The following AKAIN1 variants were observed in gnomAD, a reference collection of about 807,000 sequenced individuals.
AKAIN1 encodes the protein A-kinase anchor protein inhibitor 1.
In AKAIN1, 3 loss-of-function variants were observed where a neutral mutation model predicts 3.7. That is an observed-to-expected ratio of 0.82 (90% CI 0.37 to 2.12). AKAIN1 has a LOEUF of 2.12. Ranked by LOEUF, AKAIN1 falls within the 30% of genes most tolerant of loss-of-function variation. AKAIN1 has a pLI of 0.06. For missense variants in AKAIN1, 82 were observed against 82.7 expected (o/e 0.99, Z 0.03); for synonymous variants, 31 against 30.8 (o/e 1.01, Z -0.02).
At chr18:5,190,117 T>A (rs538493319) in intron 1 of AKAIN1, among the ~76,000 whole-genome samples, 7 of 152,168 alleles carry the variant, frequency 4.6e-5, no homozygotes, top group African/African-American at 1.7e-4. Context: ...GAGAGAGTAA[T>A]GGGGCTGAAA....
At chr18:5,182,353 A>G (rs1318711189) in intron 1 of AKAIN1, among the ~76,000 whole-genome samples, 2 of 147,626 alleles carry the variant, frequency 1.4e-5, no homozygotes, top group Non-Finnish European at 2.9e-5. Context: ...TAAAACAACA[A>G]TAACATCAGT....
chr18:5,154,895 C>G (rs987948704), intron 1 of AKAIN1, among the ~76,000 whole-genome samples: 1 of 152,216 alleles, frequency 6.6e-6, no homozygotes, highest in Non-Finnish European at 1.5e-5. Flanking sequence ...AAGCGATTCT[C>G]CCGCCTCAGC....
At chr18:5,149,268 G>C (rs1020852065) in intron 1 of AKAIN1, among the ~76,000 whole-genome samples, 1 of 152,180 alleles carries the variant, frequency 6.6e-6, no homozygotes, top group Admixed American at 6.5e-5. Context: ...AAGCCACCCA[G>C]AGCACTTAAC....
intron 1 of AKAIN1, chr18:5,171,004 C>G (rs2071194717): frequency 6.6e-6 from 1 of 152,212 alleles, no homozygotes; most frequent in Non-Finnish European, 1.5e-5. Flanking sequence ...CAAGTCATCC[C>G]AGCTGATGCC....
chr18:5,164,871 T>G (rs192211466), intron 1 of AKAIN1, among the ~76,000 whole-genome samples: 4 of 152,114 alleles, frequency 2.6e-5, no homozygotes, highest in Admixed American at 2.0e-4. Context: ...TAAGGAAAAT[T>G]GTCACATCAC....
At chr18:5,188,441 A>G (rs1389360177) in intron 1 of AKAIN1, among the ~76,000 whole-genome samples, 1 of 151,848 alleles carries the variant, frequency 6.6e-6, no homozygotes, top group African/African-American at 2.4e-5. Flanking sequence ...TACAGCTGAC[A>G]CTTCCCCTAA....
rs1282744722 is a variant in AKAIN1 at position 5,144,946 on chromosome 18, T to G, written c.*616A>C. On this transcript the variant is annotated 3_prime_UTR_variant, in exon 2 of 2. Transcript: ENST00000434239. Reference sequence around the variant, plus strand: ...ATGAAATCATTCAGAGAATTGAGACTAAAAGACTGAGTTCTTGAGAAACTT... The same window carrying G: ...ATGAAATCATTCAGAGAATTGAGACGAAAAGACTGAGTTCTTGAGAAACTT... 6.6e-6 allele frequency among the ~76,000 whole-genome samples: 1 copy of G among 152,248 alleles called. No homozygotes were observed. The highest frequency in any genetic ancestry group is 1.5e-5 in the Non-Finnish European group (1 of 68,044).
intron 1 of AKAIN1, among the ~76,000 whole-genome samples, chr18:5,179,367 A>T (rs1228265602): frequency 6.6e-6 from 1 of 152,116 alleles, no homozygotes; most frequent in Non-Finnish European, 1.5e-5. Context: ...TTGCCACAAA[A>T]GACATGATTT....
At chr18:5,147,401 T>C (rs2071055286) in intron 1 of AKAIN1, among the ~76,000 whole-genome samples, 1 of 152,226 alleles carries the variant, frequency 6.6e-6, no homozygotes, top group Non-Finnish European at 1.5e-5. Flanking sequence ...ATCTACCATT[T>C]GGTTGAAGGG....
intron 1 of AKAIN1, chr18:5,170,842 A>T (rs2071193293): frequency 6.6e-6 from 1 of 152,136 alleles, no homozygotes; most frequent in African/African-American, 2.4e-5. Flanking sequence ...TAGAAGCCAG[A>T]CAACAGATGC....
Position 5,197,157 on chromosome 18 carries a change from T to G in AKAIN1, c.-104A>C. On this transcript the variant is annotated 5_prime_UTR_variant, in exon 1 of 2. Transcript: ENST00000434239. The surrounding 1 kb of genome is among the most constrained non-coding windows in gnomAD (Gnocchi z 6.9). ...CGGGGTCCGGTGCAGGAGGGCGCGC[T>G]GGGCGGGCGGCGGGCGGGGCGGTCA... 4 of 1,521,874 alleles carry G rather than the reference T, an allele frequency of 2.6e-6. No homozygotes were observed. Among genetic ancestry groups the G allele is most frequent in the South Asian group, 1.2e-5 (1 of 82,262 alleles). 94.3% of individuals were successfully genotyped at this position (1,521,874 alleles called of 1,614,324 possible).
chr18:5,191,681 A>C (rs1036368845), intron 1 of AKAIN1, among the ~76,000 whole-genome samples: 5 of 152,048 alleles, frequency 3.3e-5, no homozygotes, highest in African/African-American at 7.2e-5. Flanking sequence ...AGTAGCCAAA[A>C]TAATGTTGAA....
At chr18:5,184,757 G>A (rs2071277702) in intron 1 of AKAIN1, among the ~76,000 whole-genome samples, 1 of 151,976 alleles carries the variant, frequency 6.6e-6, no homozygotes, top group Non-Finnish European at 1.5e-5. Flanking sequence ...TGTTAAAATG[G>A]CCATATTGCC....
intron 1 of AKAIN1, among the ~76,000 whole-genome samples, chr18:5,158,228 T>C (rs950859262): frequency 6.6e-6 from 1 of 152,218 alleles, no homozygotes; most frequent in African/African-American, 2.4e-5. Flanking sequence ...CTGTTCTTTC[T>C]TCCCCCAATT....
intron 1 of AKAIN1, among the ~76,000 whole-genome samples, chr18:5,164,644 C>A (rs939296435): frequency 1.3e-5 from 2 of 151,982 alleles, no homozygotes; most frequent in African/African-American, 4.8e-5. Context: ...CTCAATGTAT[C>A]CCCCTATGGT....
At chr18:5,163,225 T>C (rs568911067) in intron 1 of AKAIN1, among the ~76,000 whole-genome samples, 3 of 152,144 alleles carry the variant, frequency 2.0e-5, no homozygotes, top group Admixed American at 1.3e-4. Context: ...GCCTTTTCCA[T>C]GTACTTAACC....
Position 5,149,581 on chromosome 18 carries a change from C to T in AKAIN1, c.17-3826G>A, listed in dbSNP as rs385408. 3.8e-3 allele frequency among the ~76,000 whole-genome samples: 577 copies of T among 152,298 alleles called. 4 individuals are homozygous for T. Among genetic ancestry groups the T allele is most frequent in the African/African-American group, 0.011 (467 of 41,564 alleles). ...TGCTGCTACCAACCAAGCACCTCTC[C>T]GCTTCTTCTAGAGTCTCTCTGACTT... On this transcript the variant is annotated intron_variant, in intron 1 of 1. Coordinates refer to ENST00000434239, the MANE Select transcript of AKAIN1 (RefSeq NM_001145194.2).
chr18:5,159,710 C>T (rs1019444708), intron 1 of AKAIN1, among the ~76,000 whole-genome samples: 2 of 152,090 alleles, frequency 1.3e-5, no homozygotes, highest in Non-Finnish European at 2.9e-5. Context: ...TTAAGTTCTT[C>T]AGCCACAAAC....
chr18:5,193,610 T>A (rs2071333436), intron 1 of AKAIN1, among the ~76,000 whole-genome samples: 1 of 152,200 alleles, frequency 6.6e-6, no homozygotes, highest in Non-Finnish European at 1.5e-5. Context: ...CATTCCCTCT[T>A]TCTCTTCCTG....
Sources: allele counts gnomAD v4.1 joint callset (sites outside exome capture counted in the v4.1 genomes callset), GRCh38; gene constraint gnomAD v4.1.1; non-coding constraint Gnocchi (gnomAD v3.1); transcripts MANE v1.5; gene names NCBI Gene and HGNC (gene_info 2026-07-23, HGNC 2026-07-21).